The following MAP2K2 variants were observed in gnomAD, a reference collection of about 807,000 sequenced individuals.
MAP2K2 encodes the protein dual specificity mitogen-activated protein kinase kinase 2.
MAP2K2 carries 24 observed loss-of-function variants against 43.7 expected under a neutral mutation model. The ratio of observed to expected loss-of-function variants is 0.55; its 90% confidence interval spans 0.40 to 0.77. The LOEUF (loss-of-function observed/expected upper bound fraction) is 0.77. MAP2K2 is among the 30% of genes least tolerant of loss of function. The probability of loss-of-function intolerance (pLI) is 0.00; values close to 1 mark genes in which losing one functional copy is unlikely to be tolerated. For missense variants in MAP2K2, 470 were observed against 566.8 expected (o/e 0.83, Z 1.73); for synonymous variants, 244 against 239.7 (o/e 1.02, Z -0.17).
chr19:4,117,463 T>C lies in MAP2K2; in HGVS notation c.259A>G (p.Thr87Ala). The C allele has an allele frequency of 6.2e-7, 1 of 1,614,028 alleles. No individual in the cohort carries two copies. The highest frequency in any genetic ancestry group is 1.1e-5 in the South Asian group (1 of 91,084). The change falls in exon 2 of 11, where the codon ACC (threonine) becomes GCC (alanine). Residue 87 changes from threonine (T) to alanine (A), a missense_variant. Around this residue, in one of 3 missense-constraint regions of MAP2K2, gnomAD observed 200 missense variants for 297.9 expected, o/e 0.67. Coordinates refer to ENST00000262948, the MANE Select transcript of MAP2K2 (RefSeq NM_030662.4). ...ELGAGNGGVV[T>A]KVQHRPSGLI... Reference sequence around the variant, plus strand: ...CCCGAGGGTCTGTGCTGGACTTTGGTGACCACCCCGCCGTTGCCCGCGCCC... The same window carrying C: ...CCCGAGGGTCTGTGCTGGACTTTGGCGACCACCCCGCCGTTGCCCGCGCCC...
intron 8 of MAP2K2, 51 bp downstream of exon 8, chr19:4,097,228 A>T: frequency 5.4e-5 from 61 of 1,131,754 alleles, no homozygotes; most frequent in Non-Finnish European, 7.1e-5. Context: ...AAAAAAAAAA[A>T]GAAAGAAGAA....
intron 9 of MAP2K2, chr19:4,094,962 C>T (rs2040895780): frequency 2.8e-6 from 1 of 354,552 alleles, no homozygotes. Flanking sequence ...TGGTCTGCGG[C>T]ACATGCCTGT....
chr19:4,103,781 T>C (rs1442249873), intron 3 of MAP2K2, among the ~76,000 whole-genome samples: 9 of 152,168 alleles, frequency 5.9e-5, no homozygotes, highest in South Asian at 2.1e-4. Flanking sequence ...CTCTAAAGCA[T>C]ACACGTGACT....
At chr19:4,102,717 G>GC (rs1190377849) in intron 3 of MAP2K2, 1 of 1,244,168 alleles carries the variant, frequency 8.0e-7, no homozygotes, top group African/African-American at 1.5e-5. Flanking sequence ...GCGTGACTCG[G>GC]CCCTCCTGAG....
intron 2 of MAP2K2, among the ~76,000 whole-genome samples, chr19:4,113,904 A>G (rs1321481571): frequency 1.3e-5 from 2 of 152,204 alleles, no homozygotes; most frequent in Non-Finnish European, 1.5e-5. Context: ...CTCGTAAATC[A>G]TGGATCAGAA....
At chr19:4,100,481 G>A (rs1400298658) in intron 6 of MAP2K2, 1 of 142,292 alleles carries the variant, frequency 7.0e-6, no homozygotes, top group Non-Finnish European at 1.5e-5. Context: ...GGCACTGCTA[G>A]AGACAAAAAC....
At chr19:4,094,393 C>T (rs2040884736) in intron 10 of MAP2K2, 60 bp downstream of exon 10, 15 of 1,527,334 alleles carry the variant, frequency 9.8e-6, no homozygotes, top group Non-Finnish European at 1.3e-5. Flanking sequence ...AGCCTTATTT[C>T]CTGGGGCCTG....
chr19:4,091,761 G>C (rs956520679), intron 10 of MAP2K2, among the ~76,000 whole-genome samples: 2 of 152,014 alleles, frequency 1.3e-5, no homozygotes, highest in African/African-American at 4.8e-5. Context: ...CAATTCTCCC[G>C]CCTCAGCCTC....
At chr19:4,108,690 G>C (rs2041118661) in intron 3 of MAP2K2, among the ~76,000 whole-genome samples, 2 of 152,118 alleles carry the variant, frequency 1.3e-5, no homozygotes, top group African/African-American at 4.8e-5. Context: ...AATTCACCAA[G>C]AATAGAGGTT....
In MAP2K2 at chr19:4,098,710, C is replaced by A. The variant is rs376280798; in HGVS notation, c.919+491G>T. On this transcript the variant is annotated intron_variant, in intron 7 of 10. Coordinates refer to ENST00000262948, the MANE Select transcript of MAP2K2 (RefSeq NM_030662.4). ...GGGCCTGAGCCCTCCCGCCCCCTCC[C>A]GGGCTGTGTCCCCTCCTGTGTGTGT... 1.4e-4 allele frequency among the ~76,000 whole-genome samples: 21 copies of A among 152,324 alleles called. No homozygotes were observed. The East Asian group carries it at 2.5e-3, about 18-fold the overall frequency.
intron 2 of MAP2K2, among the ~76,000 whole-genome samples, chr19:4,112,416 G>T (rs2041165264): frequency 6.6e-6 from 1 of 152,236 alleles, no homozygotes; most frequent in South Asian, 2.1e-4. Flanking sequence ...GGGTGTTCCA[G>T]GCAGAGGGAC....
At chr19:4,121,434 A>G (rs113031179) in intron 1 of MAP2K2, among the ~76,000 whole-genome samples, 6,751 of 151,116 alleles carry the variant, frequency 0.045, 540 homozygotes, top group African/African-American at 0.16. Flanking sequence ...CACACTGGGC[A>G]CCGCCACAAG....
intron 1 of MAP2K2, 123 bp downstream of exon 1, chr19:4,123,661 T>G: frequency 4.3e-6 from 1 of 230,156 alleles, no homozygotes; most frequent in Non-Finnish European, 6.9e-6. Flanking sequence ...ACTCACCCCG[T>G]CCTCCCCCGT....
At chr19:4,117,728 A>G in intron 1 of MAP2K2, 99 bp from the exon 2 acceptor site, 1 of 1,055,094 alleles carries the variant, frequency 9.5e-7, no homozygotes, top group Non-Finnish European at 1.5e-6. Flanking sequence ...GAGGACACAG[A>G]CTGGATTCCT....
At chr19:4,122,096 C>A (rs1044438022) in intron 1 of MAP2K2, among the ~76,000 whole-genome samples, 2 of 145,576 alleles carry the variant, frequency 1.4e-5, no homozygotes, top group South Asian at 2.2e-4. Flanking sequence ...TCCCCGCCCC[C>A]CCAAGACCTC....
At chr19:4,094,762 G>T (rs532237956) in intron 9 of MAP2K2, 103 of 545,232 alleles carry the variant, frequency 1.9e-4, no homozygotes, top group African/African-American at 1.8e-3. Context: ...CGCCTGGTGG[G>T]TCAGAAGCCT....
rs189984753 is a variant in MAP2K2 at position 4,091,395 on chromosome 19, C to T, written c.1093-687G>A. 2.0e-3 allele frequency among the ~76,000 whole-genome samples: 311 copies of T among 152,116 alleles called. 1 individual carries two copies. The highest frequency in any genetic ancestry group is 7.3e-3 in the African/African-American group (303 of 41,474). ...TAGATGGAGTTTCACTCTTGTTGCCCAGGCTGGAGTGCAGTGGTGTGATCT... is the reference window on the plus strand; with the variant it reads ...TAGATGGAGTTTCACTCTTGTTGCCTAGGCTGGAGTGCAGTGGTGTGATCT... On this transcript the variant is annotated intron_variant, in intron 10 of 10. Coordinates refer to ENST00000262948, the MANE Select transcript of MAP2K2 (RefSeq NM_030662.4).
At chr19:4,102,618 C>T in intron 3 of MAP2K2, 165 bp from the exon 4 acceptor site, 5 of 900,024 alleles carry the variant, frequency 5.6e-6, no homozygotes, top group Non-Finnish European at 8.7e-6. Context: ...TCTGACAGTT[C>T]TGCCTTTGGG....
At chr19:4,105,155 CGTGT>C (rs61710801) in intron 3 of MAP2K2, among the ~76,000 whole-genome samples, 9,167 of 137,568 alleles carry the variant, frequency 0.067, 312 homozygotes, top group African/African-American at 0.072. Flanking sequence ...ACACGTCTAC[CGTGT>C]GTGTGTGTGT....
Sources: gnomAD v4.1 joint callset for allele counts (sites outside exome capture counted in the v4.1 genomes callset) on GRCh38, gnomAD v4.1.1 for gene constraint, gnomAD v4.1.1 regional missense constraint, MANE v1.5 for transcripts, NCBI Gene and HGNC (gene_info 2026-07-23, HGNC 2026-07-21) for gene names.